Variants in ATP6V0E1 observed in about 807,000 individuals in gnomAD.
ATP6V0E1 encodes the protein ATPase H+ transporting V0 subunit e1, also known as V-type proton ATPase subunit e 1.
A neutral mutation model predicts 11.6 loss-of-function variants in ATP6V0E1; 4 were observed. The ratio of observed to expected loss-of-function variants is 0.35; its 90% CI spans 0.17 to 0.79. The LOEUF is 0.79. ATP6V0E1 is among the 30% of genes least tolerant of loss of function. ATP6V0E1 has a pLI of 0.54. For synonymous variants in ATP6V0E1, 36 were observed against 34.8 expected (o/e 1.04, Z -0.13); for missense variants, 105 against 100.0 (o/e 1.05, Z -0.21).
chr5:173,021,308 A>T (rs1031249930), intron 3 of ATP6V0E1, among the ~76,000 whole-genome samples: 3 of 152,192 alleles, frequency 2.0e-5, no homozygotes, highest in African/African-American at 4.8e-5. Flanking sequence ...TGGGTAATTT[A>T]TAAAGAAAGA....
intron 2 of ATP6V0E1, among the ~76,000 whole-genome samples, chr5:173,014,116 G>C (rs1006427933): frequency 6.8e-6 from 1 of 147,456 alleles, no homozygotes; most frequent in African/African-American, 2.5e-5. Flanking sequence ...AGCCAAGATC[G>C]TGCCACTGCA....
chr5:172,992,165 C>A (rs958512720), intron 1 of ATP6V0E1, among the ~76,000 whole-genome samples: 1 of 152,076 alleles, frequency 6.6e-6, no homozygotes, highest in Non-Finnish European at 1.5e-5. Flanking sequence ...ATTCTCCTGC[C>A]TCAGCCTCCC....
intron 3 of ATP6V0E1, chr5:173,021,016 G>A: frequency 4.3e-6 from 2 of 469,460 alleles, no homozygotes; most frequent in Non-Finnish European, 8.6e-6. Context: ...GAATACATGA[G>A]ACTGGGTAAT....
At chr5:173,024,541 A>C (rs1756528130) in intron 3 of ATP6V0E1, among the ~76,000 whole-genome samples, 1 of 151,988 alleles carries the variant, frequency 6.6e-6, no homozygotes, top group Non-Finnish European at 1.5e-5. Flanking sequence ...ACTTAGATTT[A>C]GCTGTTCTTT....
chr5:173,010,297 T>C (rs944817418), intron 2 of ATP6V0E1, among the ~76,000 whole-genome samples: 7 of 152,230 alleles, frequency 4.6e-5, no homozygotes, highest in Non-Finnish European at 8.8e-5. Context: ...TTGTATTTCA[T>C]TCTGTGGCTT....
chr5:173,033,825 C>A (rs1756700502), intron 3 of ATP6V0E1, among the ~76,000 whole-genome samples: 1 of 151,800 alleles, frequency 6.6e-6, no homozygotes, highest in Non-Finnish European at 1.5e-5. Context: ...GCCTGGATGG[C>A]AGAGCAAGAC....
intron 3 of ATP6V0E1, chr5:173,021,028 T>C: frequency 2.3e-6 from 1 of 441,218 alleles, no homozygotes; most frequent in East Asian, 6.2e-5. Context: ...CTGGGTAATT[T>C]ATATTTGGCT....
At chr5:173,010,263 A>G (rs534874862) in intron 2 of ATP6V0E1, among the ~76,000 whole-genome samples, 2 of 152,272 alleles carry the variant, frequency 1.3e-5, no homozygotes, top group Non-Finnish European at 2.9e-5. Flanking sequence ...GCTACATGAG[A>G]AACTCCTTTG....
At chr5:172,984,022 G>A in intron 1 of ATP6V0E1, 58 bp downstream of exon 1, 2 of 1,532,332 alleles carry the variant, frequency 1.3e-6, no homozygotes, top group Non-Finnish European at 9.0e-7. Flanking sequence ...GCAGGCCGGG[G>A]CGGGGAAAGG....
At chr5:173,021,122 A>G (rs1279159407) in intron 3 of ATP6V0E1, among the ~76,000 whole-genome samples, 1 of 152,098 alleles carries the variant, frequency 6.6e-6, no homozygotes, top group Non-Finnish European at 1.5e-5. Context: ...CTTATGGCAG[A>G]AAGCAAAAGG....
intron 1 of ATP6V0E1, 23 bp from the exon 2 acceptor site, chr5:172,994,752 T>C: frequency 6.5e-7 from 1 of 1,537,738 alleles, no homozygotes. Context: ...TTTAATGACA[T>C]TTGCATTTTT....
chr5:172,994,947 A>G, intron 2 of ATP6V0E1, 125 bp downstream of exon 2: 2 of 717,438 alleles, frequency 2.8e-6, no homozygotes, highest in Non-Finnish European at 4.5e-6. Flanking sequence ...TGAAAATATC[A>G]CACTTTTCAT....
chr5:173,020,666 G>T, intron 3 of ATP6V0E1: 1 of 527,832 alleles, frequency 1.9e-6, no homozygotes, highest in South Asian at 1.4e-5. Flanking sequence ...TTTATACTTG[G>T]CATTGTGAGA....
chr5:172,993,609 C>T (rs781403934), intron 1 of ATP6V0E1, among the ~76,000 whole-genome samples: 1 of 151,172 alleles, frequency 6.6e-6, no homozygotes, highest in Non-Finnish European at 1.5e-5. Context: ...AATCCCAACA[C>T]TTTGGGAGGC....
rs539937286 is a variant in ATP6V0E1, at chr5:172,983,829, A to T, written c.-32A>T. ...TTCCTGGTGGGATCCGAGTGAGGCG[A>T]CGGGGTAGGGGTTGGCGCTCAGGCG... On this transcript the variant is annotated 5_prime_UTR_variant, in exon 1 of 4. Transcript: ENST00000519374. 1.2e-6 allele frequency: 2 copies of T among 1,602,520 alleles called. No individual in the cohort carries two copies. The highest frequency in any genetic ancestry group is 2.2e-5 in the East Asian group (1 of 44,808).
chr5:173,013,271 A>G (rs954264862), intron 2 of ATP6V0E1, among the ~76,000 whole-genome samples: 3 of 143,758 alleles, frequency 2.1e-5, no homozygotes, highest in Non-Finnish European at 4.6e-5. Flanking sequence ...AGCAAAAGAA[A>G]CAATAGAATA....
At chr5:173,026,065 T>C (rs1756555047) in intron 3 of ATP6V0E1, among the ~76,000 whole-genome samples, 1 of 152,104 alleles carries the variant, frequency 6.6e-6, no homozygotes, top group South Asian at 2.1e-4. Flanking sequence ...GGTGTGATGT[T>C]AGCTCACTGC....
intron 1 of ATP6V0E1, among the ~76,000 whole-genome samples, chr5:172,984,879 A>G (rs1014813484): frequency 1.3e-5 from 2 of 152,210 alleles, no homozygotes; most frequent in Non-Finnish European, 2.9e-5. Flanking sequence ...CCTGGTTTTC[A>G]TAGTACCTTG....
At position 172,983,778 on chromosome 5, in the gene ATP6V0E1, C is replaced by T. The variant is rs988475788; in HGVS notation, c.-83C>T. On this transcript the variant is annotated 5_prime_UTR_variant, in exon 1 of 4. Transcript: ENST00000519374. ...GCGCGGGAGGCGGGGCTTGCACACGCTGGTCACGCGGTCAGCTATTGACAC... is the reference window on the plus strand; with the variant it reads ...GCGCGGGAGGCGGGGCTTGCACACGTTGGTCACGCGGTCAGCTATTGACAC... 1.5e-5 allele frequency: 21 copies of T among 1,377,106 alleles called. No homozygotes were observed. The highest frequency in any genetic ancestry group is 2.1e-5 in the Non-Finnish European group (20 of 974,212). The allele number at this position is 1,377,106 out of a possible 1,614,324, so 85.3% of individuals were successfully genotyped here. A position where few individuals can be genotyped will look rare whatever the true frequency, so the allele number is the denominator to read the frequency against.
Sources: allele counts gnomAD v4.1 joint callset (sites outside exome capture counted in the v4.1 genomes callset), GRCh38; gene constraint gnomAD v4.1.1; transcripts MANE v1.5; gene names NCBI Gene and HGNC (gene_info 2026-07-23, HGNC 2026-07-21).